Variants in TBC1D30 observed in about 807,000 individuals in gnomAD.
TBC1D30 encodes the protein TBC1 domain family member 30, also known as TBC1 domain family, member 30.
A neutral mutation model predicts 63.2 loss-of-function variants in TBC1D30; 31 were observed. The observed-to-expected ratio is 0.49, with a 90% CI of 0.37 to 0.66. The LOEUF is 0.66. Among genes scored for constraint, TBC1D30 ranks in the 30% least tolerant of loss-of-function variants. The pLI, the probability that TBC1D30 is intolerant of heterozygous loss-of-function variation, is 0.00. For synonymous variants in TBC1D30, 307 were observed against 361.5 expected (o/e 0.85, Z 1.71); for missense variants, 810 against 953.6 (o/e 0.85, Z 1.98).
chr12:64,818,972 C>G lies in TBC1D30; in HGVS notation c.644-8863C>G, dbSNP rs192327578. On this transcript the variant is annotated intron_variant, in intron 2 of 12. Transcript: ENST00000542120. ...AAATACTTAACAGGAAATACCACGA[C>G]AAGAAGAATACGATGAGATCTAAAA... Among the ~76,000 whole-genome samples, 121 of 152,244 alleles carry G rather than the reference C, an allele frequency of 7.9e-4. 1 individual carries two copies. In the East Asian group the frequency reaches 0.016, roughly 20 times the overall value.
chr12:64,853,890 C>G (rs952141494), intron 8 of TBC1D30, among the ~76,000 whole-genome samples: 1 of 152,204 alleles, frequency 6.6e-6, no homozygotes, highest in African/African-American at 2.4e-5. Context: ...CACCCACCTT[C>G]CGCATTGATC....
At chr12:64,865,625 G>A (rs1033085464) in intron 9 of TBC1D30, among the ~76,000 whole-genome samples, 4 of 152,142 alleles carry the variant, frequency 2.6e-5, no homozygotes, top group Non-Finnish European at 5.9e-5. Context: ...GGAAGCTGAA[G>A]CAGGAGGATC....
At chr12:64,768,180 T>A (rs2136274262) in intron 1 of TBC1D30, among the ~76,000 whole-genome samples, 2 of 152,236 alleles carry the variant, frequency 1.3e-5, no homozygotes, top group Middle Eastern at 6.8e-3. Context: ...AATATAAAAC[T>A]TTTTCTTTAA....
chr12:64,813,703 G>A (rs892044136), intron 2 of TBC1D30, among the ~76,000 whole-genome samples: 3 of 152,162 alleles, frequency 2.0e-5, no homozygotes, highest in South Asian at 4.1e-4. Flanking sequence ...AATACGTGGT[G>A]TAAATCTTAG....
intron 2 of TBC1D30, among the ~76,000 whole-genome samples, chr12:64,802,491 T>C (rs1484961971): frequency 2.0e-5 from 3 of 152,126 alleles, no homozygotes; most frequent in Non-Finnish European, 4.4e-5. Flanking sequence ...TGTTTCTTTC[T>C]TTCTTTCTTT....
Position 64,875,576 on chromosome 12 carries a change from A to C in TBC1D30, c.2074A>C (p.Asn692His). Residue 692 changes from asparagine (N) to histidine (H), a missense_variant, in exon 12 of 12, where the codon AAC (asparagine) becomes CAC (histidine). By Grantham distance (68) the Asn-to-His change is moderately conservative. This residue lies in a region of TBC1D30 where 450 missense variants were observed against 473.0 expected (regional missense o/e 0.95). Coordinates refer to ENST00000539867, the MANE Select transcript of TBC1D30 (RefSeq NM_015279.2). ...AGAGCCGCCGAGTGCACCCGAAGAA[A>C]ACAAAGCCACCAGCAAAGCTCCCCA... ...CPEPPSAPEE[N>H]KATSKAPQGS... 6.5e-7 allele frequency: 1 copy of C among 1,536,168 alleles called. No homozygotes were observed. The highest frequency in any genetic ancestry group is 8.7e-7 in the Non-Finnish European group (1 of 1,146,900).
intron 1 of TBC1D30, 28 bp downstream of exon 1, chr12:64,825,061 C>T (rs1334926058): frequency 2.6e-6 from 4 of 1,521,646 alleles, no homozygotes; most frequent in East Asian, 4.9e-5. Context: ...GCAGATGGGG[C>T]GCTGTAAAGT....
At chr12:64,812,798 C>T (rs568660380) in intron 2 of TBC1D30, among the ~76,000 whole-genome samples, 19 of 150,362 alleles carry the variant, frequency 1.3e-4, no homozygotes, top group East Asian at 3.9e-4. Flanking sequence ...CCAGTGGCTA[C>T]GGAGTAATTA....
chr12:64,876,526 C>A lies in TBC1D30; in HGVS notation c.*738C>A, dbSNP rs1339557809. The A allele has an allele frequency of 1.7e-5, 5 of 300,990 alleles. No individual in the cohort carries two copies. The highest frequency in any genetic ancestry group is 9.7e-5 in the South Asian group (3 of 30,954). The allele number at this position is 300,990 out of a possible 1,614,324, so 18.6% of individuals were successfully genotyped here. On this transcript the variant is annotated 3_prime_UTR_variant, in exon 12 of 12. Coordinates refer to ENST00000539867, the MANE Select transcript of TBC1D30 (RefSeq NM_015279.2). The stretch of plus-strand genomic sequence containing the variant: ...CGGACAGCTTGCTCGCGCCACTGAG[C>A]TTTTCCTGAGGTTTGTGTTCGCCTC...
chr12:64,834,703 C>T lies in TBC1D30; in HGVS notation c.595-1787C>T, dbSNP rs141988508. 2.4e-3 allele frequency among the ~76,000 whole-genome samples: 313 copies of T among 132,152 alleles called. 2 individuals carry two copies. The highest frequency in any genetic ancestry group is 4.0e-3 in the Non-Finnish European group (244 of 61,468). The allele number at this position is 132,152 out of a possible 152,430, so 86.7% of individuals were successfully genotyped here. On this transcript the variant is annotated intron_variant, in intron 5 of 11. Coordinates refer to ENST00000539867, the MANE Select transcript of TBC1D30 (RefSeq NM_015279.2). ...GGATTACAGGCATGAGCCACCGTGC[C>T]GGGCTTTTTTTTTTTTTTTTTTTTT...
At chr12:64,787,505 T>G (rs375689732) in intron 2 of TBC1D30, 18 of 336,222 alleles carry the variant, frequency 5.4e-5, no homozygotes, top group African/African-American at 4.0e-4. Context: ...AATTGACACC[T>G]CCTAGAGTGC....
At chr12:64,850,056 T>C (rs917514450) in intron 8 of TBC1D30, among the ~76,000 whole-genome samples, 1 of 152,212 alleles carries the variant, frequency 6.6e-6, no homozygotes, top group Non-Finnish European at 1.5e-5. Context: ...AGTTCACTCA[T>C]GATTTGGCTC....
At chr12:64,796,410 T>C (rs1872273388) in intron 2 of TBC1D30, among the ~76,000 whole-genome samples, 1 of 152,164 alleles carries the variant, frequency 6.6e-6, no homozygotes, top group Non-Finnish European at 1.5e-5. Context: ...AAGAGAAAAC[T>C]ATATATACAG....
intron 8 of TBC1D30, among the ~76,000 whole-genome samples, chr12:64,859,075 C>T (rs115837480): frequency 0.015 from 2,206 of 149,828 alleles, 42 homozygotes; most frequent in African/African-American, 0.051. Context: ...CATATATATG[C>T]GAGGGTGTTG....
chr12:64,857,400 G>T (rs1235399390), intron 8 of TBC1D30, among the ~76,000 whole-genome samples: 1 of 152,124 alleles, frequency 6.6e-6, no homozygotes, highest in Non-Finnish European at 1.5e-5. Flanking sequence ...CTAGGGCCTG[G>T]AATAGGGGCC....
At position 64,761,964 on chromosome 12, in the gene TBC1D30, G is replaced by A. The variant is rs118068547; in HGVS notation, c.-376+2315G>A. Among the ~76,000 whole-genome samples the A allele has an allele frequency of 1.7e-3, 255 of 152,288 alleles. 1 individual carries two copies. The highest frequency in any genetic ancestry group is 2.8e-3 in the Non-Finnish European group (192 of 68,022). On this transcript the variant is annotated intron_variant, in intron 1 of 13. Coordinates refer to the TBC1D30 transcript ENST00000674237. ...CGTTCATGGAATTTGCAGTCTAATG[G>A]CAGAGAGATGGACAATCTAATCTTG...
chr12:64,792,527 G>A (rs1453423090), intron 2 of TBC1D30, among the ~76,000 whole-genome samples: 2 of 152,114 alleles, frequency 1.3e-5, no homozygotes, highest in Non-Finnish European at 2.9e-5. Flanking sequence ...GGTTATAAAC[G>A]AGCCCTGTGA....
chr12:64,844,786 G>A (rs1001966944), intron 8 of TBC1D30, among the ~76,000 whole-genome samples: 1 of 151,870 alleles, frequency 6.6e-6, no homozygotes, highest in African/African-American at 2.4e-5. Context: ...GTCTTTCCAT[G>A]CCTGGCTTAT....
At chr12:64,828,699 G>GA (rs1375644767) in intron 3 of TBC1D30, among the ~76,000 whole-genome samples, 190 bp downstream of exon 3, 2 of 152,152 alleles carry the variant, frequency 1.3e-5, no homozygotes, top group African/African-American at 2.4e-5. Context: ...TATAGCAATG[G>GA]AAAAAAACAA....
Sources: allele counts gnomAD v4.1 joint callset (sites outside exome capture counted in the v4.1 genomes callset), GRCh38; gene constraint gnomAD v4.1.1; regional missense constraint gnomAD v4.1.1; transcripts MANE v1.5; gene names NCBI Gene and HGNC (gene_info 2026-07-23, HGNC 2026-07-21).